The following LNP1 variants were observed in gnomAD, a reference collection of about 807,000 sequenced individuals.
LNP1 encodes leukemia NUP98 fusion partner 1.
A neutral mutation model predicts 14.5 loss-of-function variants in LNP1; 12 were observed. The observed-to-expected ratio is 0.83, with a 90% confidence interval of 0.53 to 1.34. The LOEUF (loss-of-function observed/expected upper bound fraction) is 1.34, where lower values mean the gene tolerates loss of function less well. LNP1 is among the 40% of genes most tolerant of loss of function. The pLI, the probability that LNP1 is intolerant of heterozygous loss-of-function variation, is 0.00. For synonymous variants in LNP1, 75 were observed against 71.4 expected, an observed-to-expected ratio of 1.05 and a Z score of -0.26; for missense variants, 198 against 210.9, an observed-to-expected ratio of 0.94 and a Z score of 0.38.
At chr3:100,453,189 C>G (rs189838272) in intron 3 of LNP1, among the ~76,000 whole-genome samples, 10 of 152,236 alleles carry the variant, frequency 6.6e-5, no homozygotes, top group African/African-American at 2.2e-4. Flanking sequence ...GACTTTTGCT[C>G]AGAGTGACCC....
intron 1 of LNP1, among the ~76,000 whole-genome samples, chr3:100,412,213 C>T (rs977443013): frequency 3.3e-5 from 5 of 152,176 alleles, no homozygotes; most frequent in African/African-American, 1.2e-4. Context: ...AGAAACCTTG[C>T]TTTGTAATAA....
intron 2 of LNP1, among the ~76,000 whole-genome samples, chr3:100,433,003 A>T (rs1457944184): frequency 6.6e-6 from 1 of 152,162 alleles, no homozygotes; most frequent in African/African-American, 2.4e-5. Flanking sequence ...CACATGATAT[A>T]CTTTGAAGGA....
chr3:100,430,403 T>G (rs1431865758), intron 2 of LNP1, among the ~76,000 whole-genome samples: 2 of 152,220 alleles, frequency 1.3e-5, no homozygotes, highest in African/African-American at 2.4e-5. Context: ...AAAACTCTCC[T>G]GCCCTCAGCA....
At chr3:100,416,305 G>A (rs1707082948) in intron 1 of LNP1, among the ~76,000 whole-genome samples, 1 of 152,176 alleles carries the variant, frequency 6.6e-6, no homozygotes, top group Non-Finnish European at 1.5e-5. Context: ...AGCCCTAGTT[G>A]TCATTCATAG....
chr3:100,411,661 A>G (rs982339527), intron 1 of LNP1, among the ~76,000 whole-genome samples: 2 of 152,138 alleles, frequency 1.3e-5, no homozygotes, highest in African/African-American at 2.4e-5. Flanking sequence ...TTCCTGGCTC[A>G]CTGTAGGCCA....
chr3:100,424,563 T>C (rs187731737), intron 1 of LNP1, among the ~76,000 whole-genome samples: 2 of 152,296 alleles, frequency 1.3e-5, no homozygotes, highest in African/African-American at 4.8e-5. Context: ...GCTGGTCAGG[T>C]AGGCACACTC....
At chr3:100,438,737 A>G (rs1707315204) in intron 2 of LNP1, among the ~76,000 whole-genome samples, 1 of 152,160 alleles carries the variant, frequency 6.6e-6, no homozygotes, top group South Asian at 2.1e-4. Flanking sequence ...CAGGAGAGTC[A>G]GTGTACAGGG....
At chr3:100,423,263 G>A (rs1050641925) in intron 1 of LNP1, among the ~76,000 whole-genome samples, 7 of 152,006 alleles carry the variant, frequency 4.6e-5, no homozygotes, top group African/African-American at 1.7e-4. Context: ...TCAGTAAGAG[G>A]AATGATGCTT....
intron 2 of LNP1, among the ~76,000 whole-genome samples, chr3:100,437,825 TA>T (rs1378356847): frequency 6.6e-6 from 1 of 152,232 alleles, no homozygotes; most frequent in Non-Finnish European, 1.5e-5. Flanking sequence ...GGAAATAGAA[TA>T]AAGTTGTTGC....
chr3:100,439,119 C>T (rs1043678272), intron 2 of LNP1, among the ~76,000 whole-genome samples: 18 of 152,050 alleles, frequency 1.2e-4, no homozygotes, highest in African/African-American at 3.6e-4. Flanking sequence ...ACACACTTTA[C>T]GTTGTGATCA....
intron 1 of LNP1, among the ~76,000 whole-genome samples, chr3:100,423,594 G>T (rs1369644715): frequency 6.6e-6 from 1 of 152,162 alleles, no homozygotes; most frequent in Non-Finnish European, 1.5e-5. Context: ...CATTTTCACT[G>T]ATTACCTGGG....
chr3:100,454,322 T>C (rs754965237), intron 3 of LNP1, among the ~76,000 whole-genome samples: 1 of 152,316 alleles, frequency 6.6e-6, no homozygotes, highest in Middle Eastern at 3.4e-3. Context: ...GAGTACATTA[T>C]AAAATCTTAA....
At chr3:100,416,252 G>C (rs965627558) in intron 1 of LNP1, among the ~76,000 whole-genome samples, 3 of 152,086 alleles carry the variant, frequency 2.0e-5, no homozygotes, top group Admixed American at 1.3e-4. Context: ...AATTCAAACT[G>C]TTCCATCTGT....
chr3:100,412,508 C>T (rs1176478045), intron 1 of LNP1, among the ~76,000 whole-genome samples: 1 of 152,164 alleles, frequency 6.6e-6, no homozygotes, highest in Non-Finnish European at 1.5e-5. Flanking sequence ...CCCCTAAACT[C>T]CCAGAATACT....
intron 1 of LNP1, among the ~76,000 whole-genome samples, chr3:100,426,036 T>C (rs909307480): frequency 4.6e-5 from 7 of 152,210 alleles, no homozygotes; most frequent in Admixed American, 4.6e-4. Flanking sequence ...TCAAGAGCCC[T>C]ATCTGTCAGG....
In LNP1 at chr3:100,456,084, T is replaced by C; in HGVS notation, c.*158T>C. The stretch of plus-strand genomic sequence containing the variant: ...CTGACTGACTGCAGTGGGCAGGGTA[T>C]GTAGCTGCTCCAAGATGACTTGCAT... On this transcript the variant is annotated 3_prime_UTR_variant, in exon 4 of 4. Transcript: ENST00000383693. 1.5e-6 allele frequency: 1 copy of C among 658,748 alleles called. No homozygotes were observed. Among genetic ancestry groups the C allele is most frequent in the East Asian group, 2.8e-5 (1 of 36,140 alleles). The allele number at this position is 658,748 out of a possible 1,614,324, so 40.8% of individuals were successfully genotyped here. A position where few individuals can be genotyped will look rare whatever the true frequency, so the allele number is the denominator to read the frequency against.
In LNP1 at chr3:100,417,158, CA is replaced by C. The variant is rs540397603; in HGVS notation, c.-33-12534del. 6.2e-3 allele frequency among the ~76,000 whole-genome samples: 938 copies of C among 152,004 alleles called. 9 individuals carry two copies. Among genetic ancestry groups the C allele is most frequent in the African/African-American group, 0.021 (877 of 41,462 alleles). On this transcript the variant is annotated intron_variant, in intron 1 of 3. Coordinates refer to ENST00000383693, the MANE Select transcript of LNP1 (RefSeq NM_001085451.2). ...TTCCTTGGCCATAAAACATTGCTGG[CA>C]AAAAGTCTGATGATAATCTAATCGT...
At chr3:100,443,533 C>A (rs189981126) in intron 2 of LNP1, among the ~76,000 whole-genome samples, 25 of 152,244 alleles carry the variant, frequency 1.6e-4, no homozygotes, top group East Asian at 7.7e-4. Context: ...CTGAGTTGGG[C>A]GATCCTCTCC....
intron 1 of LNP1, among the ~76,000 whole-genome samples, chr3:100,422,662 A>G (rs1330129465): frequency 6.6e-6 from 1 of 152,176 alleles, no homozygotes; most frequent in Non-Finnish European, 1.5e-5. Flanking sequence ...AATCTCTTCC[A>G]ATGTCTAACA....
Sources: gnomAD v4.1 joint callset for allele counts (sites outside exome capture counted in the v4.1 genomes callset) on GRCh38, gnomAD v4.1.1 for gene constraint, MANE v1.5 for transcripts, NCBI Gene and HGNC (gene_info 2026-07-23, HGNC 2026-07-21) for gene names.